The following PLPPR4 variants were observed in gnomAD, a reference collection of about 807,000 sequenced individuals.
PLPPR4 encodes the protein phospholipid phosphatase related 4, also known as phospholipid phosphatase-related protein type 4.
A neutral mutation model predicts 56.6 loss-of-function variants in PLPPR4; 24 were observed. The observed-to-expected ratio is 0.42, with a 90% CI of 0.31 to 0.60. The LOEUF is 0.60. PLPPR4 is among the 20% of genes least tolerant of loss of function. PLPPR4 has a pLI of 0.13. For missense variants in PLPPR4, 654 were observed against 885.8 expected, an observed-to-expected ratio of 0.74 and a Z score of 3.32; for synonymous variants, 326 against 328.1, an observed-to-expected ratio of 0.99 and a Z score of 0.07.
Position 99,301,820 on chromosome 1 carries a change from C to T in PLPPR4, c.745C>T (p.Arg249Trp), listed in dbSNP as rs2100809702. 4 of 1,612,578 alleles carry T rather than the reference C, an allele frequency of 2.5e-6. No homozygotes were observed. The highest frequency in any genetic ancestry group is 3.4e-6 in the Non-Finnish European group (4 of 1,178,928). The change falls in exon 6 of 7, where the codon CGG becomes TGG. Residue 249 changes from arginine (R) to tryptophan (W), a missense_variant. By Grantham distance (101) the Arg-to-Trp change is moderately radical. Transcript: ENST00000370185. Reference protein sequence around the residue: ...IICGIICGLTRITQYKNHPVD... With the variant: ...IICGIICGLTWITQYKNHPVD... Reference sequence around the variant, plus strand: ...CTGTGGAATAATCTGCGGGCTAACACGGATAACTCAGTATAAGAACCACCC... The same window carrying T: ...CTGTGGAATAATCTGCGGGCTAACATGGATAACTCAGTATAAGAACCACCC...
chr1:99,305,805 G>A lies in PLPPR4; in HGVS notation c.943G>A (p.Gly315Ser), dbSNP rs1660009297. The A allele has an allele frequency of 6.2e-7, 1 of 1,613,918 alleles. No homozygotes were observed. The highest frequency in any genetic ancestry group is 1.1e-5 in the South Asian group (1 of 91,078). ...DPNRLLSAKN[G>S]SSSDGIAHTE... ...CAACCGACTTTTATCTGCTAAAAATGGTAGCAGCAGTGATGGAATTGCTCA... is the reference window on the plus strand; with the variant it reads ...CAACCGACTTTTATCTGCTAAAAATAGTAGCAGCAGTGATGGAATTGCTCA... The change falls in exon 7 of 7, where the codon GGT (glycine) becomes AGT (serine). Residue 315 changes from glycine (G) to serine (S), a missense_variant. Transcript: ENST00000370185.
intron 1 of PLPPR4, 21 bp from the exon 2 acceptor site, chr1:99,287,941 ATCT>A (rs1659510888): frequency 6.3e-7 from 1 of 1,590,400 alleles, no homozygotes; most frequent in South Asian, 1.1e-5. Flanking sequence ...GAATAAATTG[ATCT>A]TCTTTGTCCT....
chr1:99,304,567 CAT>C (rs1198182113), intron 6 of PLPPR4, among the ~76,000 whole-genome samples: 1 of 152,054 alleles, frequency 6.6e-6, no homozygotes, highest in African/African-American at 2.4e-5. Flanking sequence ...CTGGTGAGAG[CAT>C]AGACAGATAT....
intron 4 of PLPPR4, among the ~76,000 whole-genome samples, chr1:99,299,898 G>A (rs1448509127): frequency 6.6e-6 from 1 of 151,924 alleles, no homozygotes; most frequent in Non-Finnish European, 1.5e-5. Flanking sequence ...GTAGTTTACA[G>A]TCTCAAAAGA....
rs531752866 is a variant in PLPPR4, at chr1:99,303,477, T to G, written c.822+1580T>G. On this transcript the variant is annotated intron_variant, in intron 6 of 6. Transcript: ENST00000370185. ...AGTACCATTGTAGTTACTACGGTTA[T>G]ATAAAACTGCCAGGTCATAAAAATA... Among the ~76,000 whole-genome samples the G allele has an allele frequency of 2.5e-3, 378 of 152,210 alleles. 2 individuals carry two copies. The highest frequency in any genetic ancestry group is 8.9e-3 in the African/African-American group (369 of 41,530).
chr1:99,290,677 A>G (rs930466518), intron 2 of PLPPR4, among the ~76,000 whole-genome samples: 3 of 152,170 alleles, frequency 2.0e-5, no homozygotes, highest in Admixed American at 6.5e-5. Context: ...ATCCTGACAA[A>G]AACAAGCAAT....
At position 99,306,005 on chromosome 1, in the gene PLPPR4, C is replaced by G; in HGVS notation, c.1143C>G (p.Val381=). 6.2e-7 allele frequency: 1 copy of G among 1,614,190 alleles called. No individual in the cohort carries two copies. Among genetic ancestry groups the G allele is most frequent in the Non-Finnish European group, 8.5e-7 (1 of 1,180,036 alleles). ...ATACCCCATCTGTAGAAGACCCTGTCAGAAGAAATGCGAGCATTCATGCCT... is the reference window on the plus strand; with the variant it reads ...ATACCCCATCTGTAGAAGACCCTGTGAGAAGAAATGCGAGCATTCATGCCT... ...RANTPSVEDP[V]RRNASIHASM... Residue 381 remains valine (V), a synonymous_variant, in exon 7 of 7, where the codon GTC becomes GTG. Transcript: ENST00000370185. The surrounding 1 kb of genome is among the most constrained non-coding windows in gnomAD (Gnocchi z 4.0).
At position 99,264,680 on chromosome 1, in the gene PLPPR4, G is replaced by A. The variant is rs745923624; in HGVS notation, c.78+9G>A. 6.5e-7 allele frequency: 1 copy of A among 1,550,356 alleles called. No homozygotes were observed. Among genetic ancestry groups the A allele is most frequent in the East Asian group, 2.4e-5 (1 of 40,904 alleles). Reference sequence around the variant, plus strand: ...GCTTTTATTTCGTCGAGGTGAGTTGGCCCAGTGCCTTGGCATAATGCAGAT... The same window carrying A: ...GCTTTTATTTCGTCGAGGTGAGTTGACCCAGTGCCTTGGCATAATGCAGAT... On this transcript the variant is annotated intron_variant, in intron 1 of 6. Transcript: ENST00000370185.
rs1267408978 is a variant in PLPPR4 at position 99,309,295 on chromosome 1, T to C, written c.*2285T>C. 6.6e-6 allele frequency: 1 copy of C among 152,522 alleles called. No homozygotes were observed. The highest frequency in any genetic ancestry group is 1.5e-5 in the Non-Finnish European group (1 of 68,016). The allele number at this position is 152,522 out of a possible 1,614,324, so 9.4% of individuals were successfully genotyped here. On this transcript the variant is annotated 3_prime_UTR_variant, in exon 7 of 7. Coordinates refer to ENST00000370185, the MANE Select transcript of PLPPR4 (RefSeq NM_014839.5). ...GGTGGTATCTCTTCTTAGTGTTCTA[T>C]TTATCTTATTTGCTAATGGGAGCAC... is the stretch of plus-strand genomic sequence containing the variant.
At chr1:99,280,635 G>A (rs1321462471) in intron 1 of PLPPR4, among the ~76,000 whole-genome samples, 1 of 152,176 alleles carries the variant, frequency 6.6e-6, no homozygotes, top group Non-Finnish European at 1.5e-5. Context: ...TATGAAGTAT[G>A]TGAGACGGAG....
Position 99,306,602 on chromosome 1 carries a change from G to C in PLPPR4, c.1740G>C (p.Glu580Asp), listed in dbSNP as rs775548281. 2 of 1,614,000 alleles carry C rather than the reference G, an allele frequency of 1.2e-6. No individual in the cohort carries two copies. The highest frequency in any genetic ancestry group is 1.7e-5 in the Admixed American group (1 of 59,992). ...SGIVRVEAHP[E>D]NNRPIIQIPS... is the part of the protein sequence containing the mutation. ...TAGTGAGGGTTGAGGCTCACCCAGA[G>C]AACAACAGGCCCATCATACAGATCC... Residue 580 changes from glutamate to aspartate, a missense_variant, in exon 7 of 7, where the codon GAG becomes GAC. Coordinates refer to ENST00000370185, the MANE Select transcript of PLPPR4 (RefSeq NM_014839.5). The surrounding 1 kb of genome is among the most constrained non-coding windows in gnomAD (Gnocchi z 4.0).
At chr1:99,296,598 G>T in intron 2 of PLPPR4, 140 bp from the exon 3 acceptor site, 2 of 609,710 alleles carry the variant, frequency 3.3e-6, no homozygotes, top group Non-Finnish European at 5.1e-6. Flanking sequence ...AAATTGCTGT[G>T]CCTCTACAGC....
At chr1:99,290,032 T>C (rs2100800073) in intron 2 of PLPPR4, among the ~76,000 whole-genome samples, 1 of 152,152 alleles carries the variant, frequency 6.6e-6, no homozygotes, top group East Asian at 1.9e-4. Flanking sequence ...TGATCCAATG[T>C]CTAGAAAACC....
intron 2 of PLPPR4, among the ~76,000 whole-genome samples, chr1:99,292,723 C>T (rs1659653031): frequency 6.6e-6 from 1 of 151,768 alleles, no homozygotes. Context: ...ACATCAAACA[C>T]TTTGTCACAG....
At chr1:99,269,551 C>T (rs1658998079) in intron 1 of PLPPR4, among the ~76,000 whole-genome samples, 1 of 152,194 alleles carries the variant, frequency 6.6e-6, no homozygotes, top group African/African-American at 2.4e-5. Context: ...CATTAGTCAT[C>T]CTGCTCAAAG....
At chr1:99,266,127 T>G (rs1390257706) in intron 1 of PLPPR4, among the ~76,000 whole-genome samples, 1 of 152,202 alleles carries the variant, frequency 6.6e-6, no homozygotes, top group Non-Finnish European at 1.5e-5. Flanking sequence ...GATTCCATGA[T>G]GAAAATGGTG....
intron 2 of PLPPR4, among the ~76,000 whole-genome samples, chr1:99,290,547 A>G (rs1659589252): frequency 6.6e-6 from 1 of 152,148 alleles, no homozygotes; most frequent in Admixed American, 6.6e-5. Context: ...AAATTATACT[A>G]CAGGGCTACA....
At chr1:99,271,291 G>A (rs1659055276) in intron 1 of PLPPR4, among the ~76,000 whole-genome samples, 1 of 152,178 alleles carries the variant, frequency 6.6e-6, no homozygotes, top group Non-Finnish European at 1.5e-5. Context: ...ATCAGAAATT[G>A]TAGCTCAGAG....
intron 4 of PLPPR4, among the ~76,000 whole-genome samples, chr1:99,299,661 T>G (rs1659830926): frequency 6.6e-6 from 1 of 152,052 alleles, no homozygotes; most frequent in Non-Finnish European, 1.5e-5. Context: ...TTTTCCTTTT[T>G]GTAAAGTTTG....
Sources: gnomAD v4.1 joint callset for allele counts (sites outside exome capture counted in the v4.1 genomes callset) on GRCh38, gnomAD v4.1.1 for gene constraint, Gnocchi (gnomAD v3.1) non-coding constraint, MANE v1.5 for transcripts, NCBI Gene and HGNC (gene_info 2026-07-23, HGNC 2026-07-21) for gene names.